ACIN1: variants seen among roughly 807,000 people sequenced by gnomAD.
ACIN1 encodes the protein apoptotic chromatin condensation inducer 1, also known as apoptotic chromatin condensation inducer in the nucleus.
Under a neutral mutation model 146.6 loss-of-function variants are expected in ACIN1, and 16 were observed. The observed-to-expected ratio is 0.11, with a 90% CI of 0.07 to 0.17. The LOEUF is 0.17. ACIN1 is among the 10% of genes least tolerant of loss of function. The probability of loss-of-function intolerance (pLI) is 1.00; values close to 1 mark genes in which losing one functional copy is unlikely to be tolerated. For missense variants in ACIN1, 1,357 were observed against 1,609.3 expected, an observed-to-expected ratio of 0.84 and a Z score of 2.68; for synonymous variants, 569 against 582.7, an observed-to-expected ratio of 0.98 and a Z score of 0.34.
intron 8 of ACIN1, among the ~76,000 whole-genome samples, chr14:23,073,718 T>G (rs1194592435): frequency 6.6e-6 from 1 of 152,106 alleles, no homozygotes; most frequent in Non-Finnish European, 1.5e-5. Context: ...CCACAGAAAA[T>G]GTTACCTTCA....
In ACIN1 at chr14:23,071,453, GTC is replaced by G. The variant is rs1270333459; in HGVS notation, c.2124-1838_2124-1837del. 2.6e-6 allele frequency: 4 copies of G among 1,551,762 alleles called. No individual in the cohort carries two copies. The South Asian group carries it at 4.8e-5, about 18-fold the overall frequency. ...GCAAACCCCGAGTTCGGCTGGATTG[GTC>G]TCTCTGGAGAAGGAGGAAGAGGGCC... is the stretch of plus-strand genomic sequence containing the variant. On this transcript the variant is annotated intron_variant, in intron 8 of 18. Coordinates refer to ENST00000605057, the MANE Select transcript of ACIN1 (RefSeq NM_001386863.1).
At chr14:23,087,870 A>G (rs189506567) in intron 4 of ACIN1, among the ~76,000 whole-genome samples, 1 of 152,068 alleles carries the variant, frequency 6.6e-6, no homozygotes, top group Non-Finnish European at 1.5e-5. Flanking sequence ...TTTCATTCCT[A>G]TCTCTCTGAC....
intron 4 of ACIN1, among the ~76,000 whole-genome samples, chr14:23,087,790 G>T (rs1035002085): frequency 6.6e-6 from 1 of 151,778 alleles, no homozygotes; most frequent in African/African-American, 2.4e-5. Context: ...TTGTTTTGCT[G>T]ACTATTCTTG....
chr14:23,079,010 C>G lies in ACIN1; in HGVS notation c.1817G>C (p.Ser606Thr), dbSNP rs575472837. Residue 606 changes from serine to threonine, a missense_variant, in exon 7 of 19, where the codon AGC (serine) becomes ACC (threonine). Physicochemically the swap from Ser to Thr is moderately conservative, Grantham distance 58. Transcript: ENST00000605057. Reference protein sequence around the residue: ...KSLSPGVSRDSSTSYTETKDP... With the variant: ...KSLSPGVSRDTSTSYTETKDP... The stretch of plus-strand genomic sequence containing the variant: ...TTTGGTTTCAGTATAGCTGGTGCTG[C>G]TGTCCCTGGAGACTCCAGGGCTCAG... 152 of 1,614,152 alleles carry G rather than the reference C, an allele frequency of 9.4e-5. 1 individual carries two copies. In the South Asian group the frequency reaches 1.6e-3, roughly 17 times the overall value.
chr14:23,080,148 G>A lies in ACIN1; in HGVS notation c.1187C>T (p.Pro396Leu), dbSNP rs1395186052. The change falls in exon 6 of 19, where the codon CCT becomes CTT. Residue 396 changes from proline (P) to leucine (L), a missense_variant. This residue lies in a region of ACIN1 where 771 missense variants were observed against 746.6 expected (regional missense o/e 1.03). Coordinates refer to ENST00000605057, the MANE Select transcript of ACIN1 (RefSeq NM_001386863.1). The part of the protein sequence containing the change: ...PAPAVLIQLS[P>L]PNTDADTREL... ...CCTGGTGTCAGCATCTGTATTAGGA[G>A]GAGATAACTGAATGAGGACAGCGGG... 6.2e-7 allele frequency: 1 copy of A among 1,614,040 alleles called. No homozygotes were observed. Among genetic ancestry groups the A allele is most frequent in the Non-Finnish European group, 8.5e-7 (1 of 1,180,024 alleles).
intron 2 of ACIN1, among the ~76,000 whole-genome samples, chr14:23,091,871 G>T (rs148959060): frequency 6.6e-6 from 1 of 152,180 alleles, no homozygotes; most frequent in East Asian, 1.9e-4. Flanking sequence ...TGATCTACCC[G>T]CCTTGGCCTC....
intron 4 of ACIN1, among the ~76,000 whole-genome samples, chr14:23,089,103 C>T (rs1274319455): frequency 4.6e-5 from 7 of 152,136 alleles, no homozygotes; most frequent in Admixed American, 3.9e-4. Context: ...TGCAATGGTG[C>T]AATCTTGGCT....
Position 23,064,277 on chromosome 14 carries a change from C to CA in ACIN1, c.2443-21dup, listed in dbSNP as rs2047382770. On this transcript the variant is annotated intron_variant, in intron 11 of 18. Transcript: ENST00000605057. Reference sequence around the variant, plus strand: ...GAGGCTCTGGGACACAGATACCCCCCACCCCGTTACACTGGGCCCATGTCT... The same window carrying CA: ...GAGGCTCTGGGACACAGATACCCCCCAACCCCGTTACACTGGGCCCATGTCT... 2 of 1,613,864 alleles carry CA rather than the reference C, an allele frequency of 1.2e-6. No homozygotes were observed. Among genetic ancestry groups the CA allele is most frequent in the Non-Finnish European group, 1.7e-6 (2 of 1,180,022 alleles).
At chr14:23,093,164 A>G (rs2048270649) in intron 2 of ACIN1, among the ~76,000 whole-genome samples, 1 of 152,230 alleles carries the variant, frequency 6.6e-6, no homozygotes, top group Non-Finnish European at 1.5e-5. Flanking sequence ...GACATCAACT[A>G]CCTTTCCTAA....
At position 23,062,995 on chromosome 14, in the gene ACIN1, G is replaced by C. The variant is rs1164863136; in HGVS notation, c.2817C>G (p.Val939=). The C allele has an allele frequency of 2.5e-6, 4 of 1,613,796 alleles. No homozygotes were observed. Among genetic ancestry groups the C allele is most frequent in the African/African-American group, 1.3e-5 (1 of 74,900 alleles). The change falls in exon 14 of 19, where the codon GTC becomes GTG. Residue 939 remains valine, a synonymous_variant. Transcript: ENST00000605057. ...SGVSITIDDP[V]RTAQVPSPPR... is the part of the protein sequence containing the mutation. ...GTGGGGAGGGCACCTGGGCAGTTCG[G>C]ACTGGGTCATCAATGGTAATGGAAA...
Position 23,059,112 on chromosome 14 carries a change from G to T in ACIN1, c.*36C>A, listed in dbSNP as rs530667124. Reference sequence around the variant, plus strand: ...TCTGTGGCCATAACCCCCTGGGGCCGAGTGGCTGGTACCTGCAGCTCTAGT... The same window carrying T: ...TCTGTGGCCATAACCCCCTGGGGCCTAGTGGCTGGTACCTGCAGCTCTAGT... On this transcript the variant is annotated 3_prime_UTR_variant, in exon 19 of 19. Coordinates refer to ENST00000605057, the MANE Select transcript of ACIN1 (RefSeq NM_001386863.1). 1.0e-5 allele frequency: 16 copies of T among 1,601,426 alleles called. No individual in the cohort carries two copies. The highest frequency in any genetic ancestry group is 1.4e-5 in the Non-Finnish European group (16 of 1,172,630).
rs1181175831 is a variant in ACIN1 at position 23,078,253 on chromosome 14, T to G, written c.2021A>C (p.Lys674Thr). Residue 674 changes from lysine (K) to threonine (T), a missense_variant, in exon 8 of 19, where the codon AAG becomes ACG. Physicochemically the swap from Lys to Thr is moderately conservative, Grantham distance 78 (BLOSUM62 -1). This residue lies in a region of ACIN1 where 771 missense variants were observed against 746.6 expected (regional missense o/e 1.03). Transcript: ENST00000605057. ...TGGCTCTGCCTCTTCAGCTTCACAC[T>G]TCTTTGGGCTCCCCTGTCAGGAGAT... is the stretch of plus-strand genomic sequence containing the variant. ...RLQPERGSPK[K>T]CEAEEAEPPA... The G allele has an allele frequency of 4.3e-6, 7 of 1,614,150 alleles. No homozygotes were observed. The South Asian group carries it at 7.7e-5, about 18-fold the overall frequency.
At chr14:23,081,134 C>A (rs2047934456) in intron 5 of ACIN1, among the ~76,000 whole-genome samples, 1 of 151,634 alleles carries the variant, frequency 6.6e-6, no homozygotes, top group South Asian at 2.1e-4. Context: ...AAGGAACTAA[C>A]CTACTATCAA....
Position 23,080,775 on chromosome 14 carries a change from G to A in ACIN1, c.560C>T (p.Pro187Leu). The change falls in exon 6 of 19, where the codon CCT (proline) becomes CTT (leucine). Residue 187 changes from proline to leucine, a missense_variant. Pro to Leu is a moderately conservative substitution (Grantham distance 98, BLOSUM62 -3). Transcript: ENST00000605057. ...TTCTTGATCCTCTTCCTCCTCAGCA[G>A]GTTGGCTGCCCTCAGACAGTTTAGC... ...RAAKLSEGSQ[P>L]AEEEEDQETP... 1 of 1,611,202 alleles carries A rather than the reference G, an allele frequency of 6.2e-7. No individual in the cohort carries two copies. The highest frequency in any genetic ancestry group is 8.5e-7 in the Non-Finnish European group (1 of 1,178,084).
intron 10 of ACIN1, 82 bp downstream of exon 10, chr14:23,065,884 T>G (rs1233198327): frequency 3.8e-6 from 5 of 1,329,000 alleles, no homozygotes; most frequent in Non-Finnish European, 5.4e-6. Context: ...AGAATGCCAT[T>G]GAGAATGAAA....
chr14:23,059,247 G>A lies in ACIN1; in HGVS notation c.3753C>T (p.Asp1251=). The part of the protein sequence containing the change: ...RGDRDRDRER[D]RERGRERDRR... ...GATCCCTTTCCCTGCCTCGTTCTCG[G>A]TCCCTTTCCCTATCCCGATCTCGGT... The change falls in exon 19 of 19, where the codon GAC becomes GAT. Residue 1251 remains aspartate (D), a synonymous_variant. Coordinates refer to ENST00000605057, the MANE Select transcript of ACIN1 (RefSeq NM_001386863.1). 1 of 1,612,986 alleles carries A rather than the reference G, an allele frequency of 6.2e-7. No individual in the cohort carries two copies. The highest frequency in any genetic ancestry group is 8.5e-7 in the Non-Finnish European group (1 of 1,179,322).
At chr14:23,093,029 C>G (rs1019745192) in intron 2 of ACIN1, among the ~76,000 whole-genome samples, 5 of 152,200 alleles carry the variant, frequency 3.3e-5, no homozygotes, top group African/African-American at 1.2e-4. Flanking sequence ...GTAGTTAACA[C>G]TAGTAATGGT....
chr14:23,084,522 A>C (rs890292863), intron 4 of ACIN1, among the ~76,000 whole-genome samples: 39 of 151,870 alleles, frequency 2.6e-4, no homozygotes, highest in Middle Eastern at 6.3e-3. Flanking sequence ...AGGCAGAAGA[A>C]TCGCTTGAAC....
At chr14:23,087,603 C>T (rs765899953) in intron 4 of ACIN1, among the ~76,000 whole-genome samples, 1 of 151,518 alleles carries the variant, frequency 6.6e-6, no homozygotes, top group Non-Finnish European at 1.5e-5. Context: ...ATTTTCATTT[C>T]GAATTATATT....
Sources: gnomAD v4.1 joint callset for allele counts (sites outside exome capture counted in the v4.1 genomes callset) on GRCh38, gnomAD v4.1.1 for gene constraint, gnomAD v4.1.1 regional missense constraint, MANE v1.5 for transcripts, NCBI Gene and HGNC (gene_info 2026-07-23, HGNC 2026-07-21) for gene names.